DAB1: variants seen among roughly 807,000 people sequenced by gnomAD.
DAB1 encodes DAB adaptor protein 1, also known as disabled homolog 1.
Under a neutral mutation model 64.6 loss-of-function variants are expected in DAB1, and 15 were observed. The observed-to-expected ratio is 0.23, with a 90% CI of 0.16 to 0.36. The LOEUF is 0.36. Among genes scored for constraint, DAB1 ranks in the 10% least tolerant of loss-of-function variants. The pLI, the probability that DAB1 is intolerant of heterozygous loss-of-function variation, is 1.00. For synonymous variants in DAB1, 235 were observed against 251.9 expected, an observed-to-expected ratio of 0.93 and a Z score of 0.64; for missense variants, 596 against 706.7, an observed-to-expected ratio of 0.84 and a Z score of 1.78.
chr1:57,005,092 A>G (rs112303587), intron 14 of DAB1, among the ~76,000 whole-genome samples: 3 of 152,198 alleles, frequency 2.0e-5, no homozygotes, highest in African/African-American at 7.2e-5. Flanking sequence ...ATAATCCCTT[A>G]GGGATTGACA....
chr1:58,485,228 T>TAAAAAAAAAAAAAAAAA lies in DAB1; in HGVS notation n.257+20815_257+20831dup, dbSNP rs71043289. ...GTCTAAAAATAAAAGAGTCTACTAC[T>TAAAAAAAAAAAAAAAAA]AAAAAAAAAAAAAAAAAAAAAAAAA... On this transcript the variant is annotated intron_variant and non_coding_transcript_variant, in intron 3 of 20. Coordinates refer to the DAB1 transcript ENST00000485760. 1.7e-4 allele frequency among the ~76,000 whole-genome samples: 7 copies of TAAAAAAAAAAAAAAAAA among 42,054 alleles called. 1 individual carries two copies. The highest frequency in any genetic ancestry group is 2.1e-4 in the Non-Finnish European group (5 of 24,140). The allele number at this position is 42,054 out of a possible 152,430, so 27.6% of individuals were successfully genotyped here. A position where few individuals can be genotyped will look rare whatever the true frequency, so the allele number is the denominator to read the frequency against.
At chr1:57,791,915 T>C (rs7554147) in intron 6 of DAB1, among the ~76,000 whole-genome samples, 68,133 of 152,048 alleles carry the variant, frequency 0.45, 15,479 homozygotes, top group African/African-American at 0.51. Flanking sequence ...TCACCTTTAT[T>C]TCTTCCAAGT....
chr1:57,974,711 T>C (rs1645877604), intron 5 of DAB1, among the ~76,000 whole-genome samples: 1 of 152,170 alleles, frequency 6.6e-6, no homozygotes, highest in East Asian at 1.9e-4. Context: ...CACATGCATA[T>C]GTCTTGCACA....
intron 6 of DAB1, among the ~76,000 whole-genome samples, chr1:57,673,801 T>A (rs3126013): frequency 6.6e-6 from 1 of 151,994 alleles, no homozygotes; most frequent in Non-Finnish European, 1.5e-5. Flanking sequence ...ACCTTAGGCT[T>A]TCTAGTCATA....
chr1:58,147,891 A>G lies in DAB1; in HGVS notation n.387+2620T>C, dbSNP rs74971965. ...TATTAAATTAAAAAACTATCCTGTC[A>G]ACCATCCAATTAGCATTGGAGCAGG... On this transcript the variant is annotated intron_variant and non_coding_transcript_variant, in intron 5 of 20. Coordinates refer to the DAB1 transcript ENST00000485760. Among the ~76,000 whole-genome samples, 1,172 of 151,732 alleles carry G rather than the reference A, an allele frequency of 7.7e-3. 15 individuals are homozygous for G. Among genetic ancestry groups the G allele is most frequent in the African/African-American group, 0.027 (1,137 of 41,376 alleles).
rs200373144 is a variant in DAB1 at position 57,071,449 on chromosome 1, CCTGA to C, written c.558+69_558+72del. 69 of 1,533,632 alleles carry C rather than the reference CCTGA, an allele frequency of 4.5e-5. No homozygotes were observed. In the East Asian group the frequency reaches 1.5e-3, roughly 33 times the overall value. On this transcript the variant is annotated intron_variant, in intron 6 of 14. Coordinates refer to ENST00000371236, the MANE Select transcript of DAB1 (RefSeq NM_001365792.1). ...TCTACTTGGCAGCAGGAAGAGAAGG[CCTGA>C]CTGTCAGTTTTTACATGTGTTTATT...
chr1:57,492,157 G>A (rs1644173435), intron 7 of DAB1, among the ~76,000 whole-genome samples: 2 of 152,214 alleles, frequency 1.3e-5, no homozygotes. Flanking sequence ...CTGAAAAGTG[G>A]TCTTTTAGGA....
chr1:58,379,134 CGT>C (rs1161254536), intron 3 of DAB1, among the ~76,000 whole-genome samples: 19 of 151,848 alleles, frequency 1.3e-4, no homozygotes, highest in African/African-American at 4.1e-4. Flanking sequence ...AGAAATCACC[CGT>C]CTTCTGCGTC....
At chr1:58,045,037 A>G (rs1232121006) in intron 5 of DAB1, among the ~76,000 whole-genome samples, 1 of 152,242 alleles carries the variant, frequency 6.6e-6, no homozygotes, top group Non-Finnish European at 1.5e-5. Context: ...GGGCTTACAG[A>G]TGAAAACATA....
chr1:58,204,001 A>G (rs1449148713), intron 4 of DAB1, among the ~76,000 whole-genome samples: 2 of 152,216 alleles, frequency 1.3e-5, no homozygotes, highest in Admixed American at 1.3e-4. Context: ...GTGGCATTAG[A>G]ACATGGCCAT....
chr1:58,448,788 T>C (rs1270804162), intron 3 of DAB1, among the ~76,000 whole-genome samples: 1 of 152,208 alleles, frequency 6.6e-6, no homozygotes, highest in Non-Finnish European at 1.5e-5. Context: ...ACTAAGTGAC[T>C]GAGTAAAACG....
chr1:57,810,157 T>C (rs1359775842), intron 6 of DAB1, among the ~76,000 whole-genome samples: 3 of 152,140 alleles, frequency 2.0e-5, no homozygotes, highest in Non-Finnish European at 4.4e-5. Context: ...AAAAAGGCAG[T>C]AGCTGAGGCT....
chr1:58,408,477 G>A (rs993714628), intron 3 of DAB1, among the ~76,000 whole-genome samples: 1 of 152,206 alleles, frequency 6.6e-6, no homozygotes, highest in African/African-American at 2.4e-5. Flanking sequence ...CTCCACTGGA[G>A]AGCAAGGATT....
chr1:57,143,506 T>G (rs1479117261), intron 3 of DAB1, among the ~76,000 whole-genome samples: 1 of 152,240 alleles, frequency 6.6e-6, no homozygotes, highest in Non-Finnish European at 1.5e-5. Context: ...TGATGTCTTT[T>G]ATGCCTTTTT....
At chr1:58,048,812 T>C (rs12081869) in intron 5 of DAB1, 20,042 of 1,083,108 alleles carry the variant, frequency 0.019, 775 homozygotes, top group African/African-American at 0.12. Context: ...ATGACAGTCT[T>C]ATCCACGGAA....
At chr1:57,482,477 T>TAAAAAA (rs918167439) in intron 7 of DAB1, among the ~76,000 whole-genome samples, 15 of 61,182 alleles carry the variant, frequency 2.5e-4, no homozygotes, top group East Asian at 9.5e-4. Flanking sequence ...CTGAAAGTTG[T>TAAAAAA]AAAAAAAAAA....
At chr1:57,899,740 C>T (rs1644445597) in intron 5 of DAB1, among the ~76,000 whole-genome samples, 1 of 152,002 alleles carries the variant, frequency 6.6e-6, no homozygotes, top group African/African-American at 2.4e-5. Context: ...CTTTCATTCA[C>T]CTTTCTTTTA....
At chr1:57,780,157 T>A (rs184809293) in intron 6 of DAB1, among the ~76,000 whole-genome samples, 86 of 152,158 alleles carry the variant, frequency 5.7e-4, no homozygotes, top group African/African-American at 2.0e-3. Context: ...CACTTGGAGG[T>A]TCCATCTCTT....
At position 58,541,628 on chromosome 1, in the gene DAB1, A is replaced by AC. The variant is rs1646619682; in HGVS notation, n.32+5074_32+5075insG. ...TGAGAACCTGTCAAAAAAAAAAAAAAAAAAAAAAAAAAACCAAAAACAAAA... is the reference window on the plus strand; with the variant it reads ...TGAGAACCTGTCAAAAAAAAAAAAAACAAAAAAAAAAAAACCAAAAACAAAA... On this transcript the variant is annotated intron_variant and non_coding_transcript_variant, in intron 1 of 20. Transcript: ENST00000485760. 2.0e-5 allele frequency: 3 copies of AC among 148,208 alleles called. 1 individual carries two copies. Among genetic ancestry groups the AC allele is most frequent in the African/African-American group, 7.4e-5 (3 of 40,664 alleles). The allele number at this position is 148,208 out of a possible 1,614,324, so 9.2% of individuals were successfully genotyped here. A position where few individuals can be genotyped will look rare whatever the true frequency, so the allele number is the denominator to read the frequency against.
Sources: gnomAD v4.1 joint callset for allele counts (sites outside exome capture counted in the v4.1 genomes callset) on GRCh38, gnomAD v4.1.1 for gene constraint, MANE v1.5 for transcripts, NCBI Gene and HGNC (gene_info 2026-07-23, HGNC 2026-07-21) for gene names.